Variants in BCAS3 observed in about 807,000 individuals in gnomAD.
BCAS3 encodes the protein BCAS4/BCAS3 fusion.
BCAS3 carries 53 observed loss-of-function variants against 116.1 expected under a neutral mutation model. The ratio of observed to expected loss-of-function variants is 0.46; its 90% CI spans 0.37 to 0.57. BCAS3 has a LOEUF of 0.57. Among genes scored for constraint, BCAS3 ranks in the 20% least tolerant of loss-of-function variants. BCAS3 has a pLI of 0.00. For synonymous variants in BCAS3, 391 were observed against 408.2 expected, an observed-to-expected ratio of 0.96 and a Z score of 0.51; for missense variants, 917 against 1,165.4, an observed-to-expected ratio of 0.79 and a Z score of 3.10.
chr17:61,135,708 A>T (rs2076588818), intron 22 of BCAS3, among the ~76,000 whole-genome samples: 5 of 152,342 alleles, frequency 3.3e-5, no homozygotes, highest in Admixed American at 1.3e-4. Flanking sequence ...AGATTTTATG[A>T]AACCTGAAAA....
intron 11 of BCAS3, among the ~76,000 whole-genome samples, chr17:60,904,965 G>A (rs1004428736): frequency 2.0e-5 from 3 of 152,150 alleles, no homozygotes; most frequent in African/African-American, 4.8e-5. Context: ...GTCAGATTAT[G>A]CCTAATCTGG....
chr17:60,817,785 A>G (rs2049562951), intron 7 of BCAS3, among the ~76,000 whole-genome samples: 1 of 152,216 alleles, frequency 6.6e-6, no homozygotes, highest in African/African-American at 2.4e-5. Flanking sequence ...TTTGCCAAGC[A>G]AGAACATATG....
intron 22 of BCAS3, among the ~76,000 whole-genome samples, chr17:61,334,664 C>CAAAAAAAAAAAAAAAA (rs35400660): frequency 2.0e-5 from 1 of 50,888 alleles, no homozygotes; most frequent in African/African-American, 6.8e-5. Flanking sequence ...AACTCCATCT[C>CAAAAAAAAAAAAAAAA]AAAAAAAAAA....
intron 5 of BCAS3, among the ~76,000 whole-genome samples, chr17:60,729,965 GT>G (rs1255695442): frequency 1.3e-5 from 2 of 152,310 alleles, no homozygotes; most frequent in African/African-American, 4.8e-5. Context: ...AGTCTGAGTG[GT>G]TTTACATTAA....
intron 16 of BCAS3, among the ~76,000 whole-genome samples, chr17:61,033,243 G>T (rs1219937937): frequency 6.6e-6 from 1 of 152,116 alleles, no homozygotes; most frequent in African/African-American, 2.4e-5. Flanking sequence ...CATCTGGAGG[G>T]TTTGTTTCAA....
Position 61,378,060 on chromosome 17 carries a change from C to T in BCAS3, c.2593+9566C>T, listed in dbSNP as rs1250782598. ...TTGACTGCCGTTGCACTTCCCTGCT[C>T]AGAAAGTGTCCAGGCCTGCACATTG... On this transcript the variant is annotated intron_variant, in intron 23 of 23. Transcript: ENST00000407086. This position sits in a 1 kb window ranked among gnomAD's most constrained non-coding sequence, Gnocchi z 5.8. The T allele has an allele frequency of 6.6e-6, 1 of 152,228 alleles. No homozygotes were observed. The highest frequency in any genetic ancestry group is 6.5e-5 in the Admixed American group (1 of 15,270). 9.4% of individuals were successfully genotyped at this position (152,228 alleles called of 1,614,324 possible).
At chr17:61,311,317 T>C (rs1232776321) in intron 22 of BCAS3, among the ~76,000 whole-genome samples, 1 of 152,212 alleles carries the variant, frequency 6.6e-6, no homozygotes, top group Non-Finnish European at 1.5e-5. Flanking sequence ...TAAAACCAAC[T>C]TTCTTTTGAA....
chr17:61,240,792 A>G (rs2047447453), intron 22 of BCAS3, among the ~76,000 whole-genome samples: 1 of 152,254 alleles, frequency 6.6e-6, no homozygotes, highest in African/African-American at 2.4e-5. Flanking sequence ...ATTGAGCCCT[A>G]TAACTAAAGG....
At chr17:61,045,864 T>TATATAAATATATATATATA (rs1555684813) in intron 19 of BCAS3, among the ~76,000 whole-genome samples, 1 of 31,454 alleles carries the variant, frequency 3.2e-5, no homozygotes, top group Non-Finnish European at 4.4e-5. Context: ...TATATATATA[T>TATATAAATATATATATATA]AAATATATAT....
chr17:61,357,235 A>G (rs2058187794), intron 22 of BCAS3, among the ~76,000 whole-genome samples: 2 of 147,930 alleles, frequency 1.4e-5, no homozygotes, highest in South Asian at 2.1e-4. Context: ...ACAAGACTCC[A>G]TATCTACAAA....
chr17:61,287,342 C>T (rs1602428011), intron 22 of BCAS3, among the ~76,000 whole-genome samples: 1 of 151,868 alleles, frequency 6.6e-6, no homozygotes, highest in South Asian at 2.1e-4. Context: ...AGGAAGCCTG[C>T]GGTAGGGGCT....
At chr17:60,752,988 G>A (rs1291188365) in intron 6 of BCAS3, among the ~76,000 whole-genome samples, 1 of 151,306 alleles carries the variant, frequency 6.6e-6, no homozygotes, top group Non-Finnish European at 1.5e-5. Context: ...AGGACTACAG[G>A]CACACGTCAG....
At position 61,241,603 on chromosome 17, in the gene BCAS3, C is replaced by T. The variant is rs2047524545; in HGVS notation, c.2426-126724C>T. 6.6e-6 allele frequency among the ~76,000 whole-genome samples: 1 copy of T among 151,914 alleles called. No individual in the cohort carries two copies. The highest frequency in any genetic ancestry group is 2.4e-5 in the African/African-American group (1 of 41,350). On this transcript the variant is annotated intron_variant, in intron 22 of 23. Transcript: ENST00000407086. This position sits in a 1 kb window ranked among gnomAD's most constrained non-coding sequence, Gnocchi z 4.6. ...CCGTGGTGGCGGGTGCCTGTAGTCC[C>T]AGCTACTCGGGAGGATGAGGCAGGA...
intron 19 of BCAS3, among the ~76,000 whole-genome samples, chr17:61,047,931 A>G (rs1387755049): frequency 6.6e-6 from 1 of 152,016 alleles, no homozygotes; most frequent in African/African-American, 2.4e-5. Context: ...TTCTTTCTAA[A>G]TCAGGCTGTG....
At chr17:61,345,849 CATG>C (rs1270170691) in intron 22 of BCAS3, among the ~76,000 whole-genome samples, 1 of 151,974 alleles carries the variant, frequency 6.6e-6, no homozygotes, top group African/African-American at 2.4e-5. Context: ...GGCCAAACAG[CATG>C]ATTAGAATAA....
Position 61,363,951 on chromosome 17 carries a change from T to C in BCAS3, c.2426-4376T>C, listed in dbSNP as rs905420225. On this transcript the variant is annotated intron_variant, in intron 22 of 23. Coordinates refer to ENST00000407086, the MANE Select transcript of BCAS3 (RefSeq NM_017679.5). The surrounding 1 kb of genome is among the most constrained non-coding windows in gnomAD (Gnocchi z 4.9). ...CAAGGGCTTGGCCTCTTCACCCCAG[T>C]GCCTGCTGAAACACACCTGCAGCCT... Among the ~76,000 whole-genome samples, 1 of 152,176 alleles carries C rather than the reference T, an allele frequency of 6.6e-6. No homozygotes were observed. Among genetic ancestry groups the C allele is most frequent in the African/African-American group, 2.4e-5 (1 of 41,442 alleles).
chr17:61,055,464 G>A (rs551384432), intron 19 of BCAS3, among the ~76,000 whole-genome samples: 3 of 152,222 alleles, frequency 2.0e-5, no homozygotes, highest in East Asian at 1.9e-4. Flanking sequence ...ATCCACCAGG[G>A]GCTATGGATA....
intron 22 of BCAS3, among the ~76,000 whole-genome samples, chr17:61,232,184 G>A (rs1337035258): frequency 9.1e-6 from 1 of 109,732 alleles, no homozygotes; most frequent in Non-Finnish European, 1.7e-5. Flanking sequence ...CAGCCTGGGT[G>A]ACAGTGAAAG....
chr17:61,055,779 C>A (rs191851781), intron 19 of BCAS3, among the ~76,000 whole-genome samples: 10 of 152,144 alleles, frequency 6.6e-5, no homozygotes, highest in Admixed American at 6.5e-4. Flanking sequence ...TAAATGTATT[C>A]CTTATCTCTT....
Sources: gnomAD v4.1 joint callset for allele counts (sites outside exome capture counted in the v4.1 genomes callset) on GRCh38, gnomAD v4.1.1 for gene constraint, Gnocchi (gnomAD v3.1) non-coding constraint, MANE v1.5 for transcripts, NCBI Gene and HGNC (gene_info 2026-07-23, HGNC 2026-07-21) for gene names.